The following CCDC171 variants were observed in gnomAD, a reference collection of about 807,000 sequenced individuals.
CCDC171 encodes the protein coiled-coil domain-containing protein 171.
In CCDC171, 177 loss-of-function variants were observed where a neutral mutation model predicts 168.2. The observed-to-expected ratio is 1.05, with a 90% CI of 0.93 to 1.19. The LOEUF (loss-of-function observed/expected upper bound fraction) is 1.19. Among genes scored for constraint, CCDC171 ranks in the 50% most tolerant of loss-of-function variants. CCDC171 has a pLI of 0.00. For missense variants in CCDC171, 1,991 were observed against 1,539.0 expected, an observed-to-expected ratio of 1.29 and a Z score of -4.91; for synonymous variants, 687 against 540.8, an observed-to-expected ratio of 1.27 and a Z score of -3.75.
At chr9:15,628,458 C>T (rs558639278) in intron 7 of CCDC171, among the ~76,000 whole-genome samples, 20 of 152,250 alleles carry the variant, frequency 1.3e-4, no homozygotes, top group South Asian at 6.2e-4. Flanking sequence ...AACTGCAAGG[C>T]GGCAGCGAGG....
intron 18 of CCDC171, among the ~76,000 whole-genome samples, chr9:15,757,668 G>A (rs2056205610): frequency 6.6e-6 from 1 of 152,190 alleles, no homozygotes; most frequent in Non-Finnish European, 1.5e-5. Flanking sequence ...CTTCACGGAA[G>A]CCCTTCCCAT....
At chr9:15,965,469 G>T (rs1391086022) in intron 25 of CCDC171, among the ~76,000 whole-genome samples, 1 of 152,172 alleles carries the variant, frequency 6.6e-6, no homozygotes, top group Admixed American at 6.5e-5. Context: ...TCTACCATTA[G>T]CAAGCTGTGC....
intron 9 of CCDC171, among the ~76,000 whole-genome samples, chr9:15,667,105 G>A (rs1564172576): frequency 1.3e-5 from 2 of 152,082 alleles, no homozygotes; most frequent in Admixed American, 1.3e-4. Flanking sequence ...CAGTTTAAAA[G>A]CCTTTCATCT....
At chr9:15,949,817 C>T (rs903393816) in intron 25 of CCDC171, among the ~76,000 whole-genome samples, 11 of 152,076 alleles carry the variant, frequency 7.2e-5, no homozygotes, top group South Asian at 2.1e-4. Flanking sequence ...TGCCTAATTG[C>T]CCTGGCCAGA....
At chr9:15,667,462 A>G (rs774011470) in intron 9 of CCDC171, among the ~76,000 whole-genome samples, 2 of 152,124 alleles carry the variant, frequency 1.3e-5, no homozygotes, top group Admixed American at 6.5e-5. Flanking sequence ...CCTGGCTAAC[A>G]TGGTGAAACC....
At chr9:15,795,323 C>T (rs1207299323) in intron 21 of CCDC171, among the ~76,000 whole-genome samples, 2 of 152,224 alleles carry the variant, frequency 1.3e-5, no homozygotes, top group African/African-American at 4.8e-5. Flanking sequence ...ATGGCAGAGC[C>T]CTGATGACCT....
intron 21 of CCDC171, among the ~76,000 whole-genome samples, chr9:15,836,196 A>G (rs2060440965): frequency 6.6e-6 from 1 of 152,166 alleles, no homozygotes; most frequent in African/African-American, 2.4e-5. Context: ...TGCAGTGACA[A>G]ATAACTCTAA....
chr9:15,978,236 T>C (rs77597017), downstream of CCDC171, among the ~76,000 whole-genome samples: 1,189 of 152,302 alleles, frequency 7.8e-3, 7 homozygotes, highest in Non-Finnish European at 0.013. Context: ...CTGAGGAGTA[T>C]TAGTCTAAAT....
At chr9:16,053,704 G>T (rs140332595) in intron 1 of CCDC171, among the ~76,000 whole-genome samples, 12 of 152,348 alleles carry the variant, frequency 7.9e-5, no homozygotes, top group African/African-American at 2.4e-4. Context: ...AGGCTGCAGT[G>T]TGGGGCCGGA....
At chr9:15,576,215 G>T (rs1184835621) in intron 3 of CCDC171, among the ~76,000 whole-genome samples, 2 of 151,088 alleles carry the variant, frequency 1.3e-5, no homozygotes, top group South Asian at 2.1e-4. Flanking sequence ...ACAGGGTCTT[G>T]CTCTGTTGTC....
intron 11 of CCDC171, among the ~76,000 whole-genome samples, chr9:15,705,160 GTTAA>G (rs1306165556): frequency 1.3e-5 from 2 of 151,838 alleles, no homozygotes; most frequent in African/African-American, 4.8e-5. Context: ...TGATGGACGT[GTTAA>G]TTAACTTGGT....
chr9:15,874,615 C>T lies in CCDC171; in HGVS notation c.3552C>T (p.Thr1184=). ...TLQLPKLHLE[T]FAMEGLKGGP... is the part of the protein sequence containing the mutation. ...AGCTACCCAAACTGCACCTGGAGAC[C>T]TTTGCAATGGAGGGGCTCAAGGGCG... Residue 1184 remains threonine, a synonymous_variant, in exon 24 of 26, where the codon ACC becomes ACT. Coordinates refer to ENST00000380701, the MANE Select transcript of CCDC171 (RefSeq NM_173550.4). 1 of 1,605,588 alleles carries T rather than the reference C, an allele frequency of 6.2e-7. No homozygotes were observed. The highest frequency in any genetic ancestry group is 1.1e-5 in the South Asian group (1 of 89,574).
intron 21 of CCDC171, among the ~76,000 whole-genome samples, chr9:15,785,554 T>G (rs1439537454): frequency 6.6e-6 from 1 of 152,102 alleles, no homozygotes; most frequent in African/African-American, 2.4e-5. Flanking sequence ...ACTTATGTAC[T>G]CCTCACACAA....
chr9:16,108,494 C>T, the CCDC171 span, among the ~76,000 whole-genome samples: 5 of 152,194 alleles, frequency 3.3e-5, no homozygotes, highest in Non-Finnish European at 7.3e-5. Flanking sequence ...CTCTGTGCCG[C>T]CCATAGGCAC....
intron 24 of CCDC171, among the ~76,000 whole-genome samples, chr9:15,894,975 A>C (rs1389197472): frequency 6.6e-6 from 1 of 152,226 alleles, no homozygotes; most frequent in East Asian, 1.9e-4. Flanking sequence ...TGAATATGTT[A>C]ATGAATGAAC....
At chr9:15,574,168 T>A (rs2040449966) in intron 3 of CCDC171, among the ~76,000 whole-genome samples, 1 of 151,174 alleles carries the variant, frequency 6.6e-6, no homozygotes, top group South Asian at 2.1e-4. Context: ...TGAGACAGAG[T>A]CTCACTCAGT....
rs529409828 is a variant in CCDC171, at chr9:15,719,733, A to G, written c.1319-2036A>G. On this transcript the variant is annotated intron_variant, in intron 11 of 25. Coordinates refer to ENST00000380701, the MANE Select transcript of CCDC171 (RefSeq NM_173550.4). Reference sequence around the variant, plus strand: ...TTTGTCCCATTACTCTTCAGCACTCATATTAAGATGATTTTATTCTTCTGA... The same window carrying G: ...TTTGTCCCATTACTCTTCAGCACTCGTATTAAGATGATTTTATTCTTCTGA... Among the ~76,000 whole-genome samples, 22 of 152,322 alleles carry G rather than the reference A, an allele frequency of 1.4e-4. No homozygotes were observed. The East Asian group carries it at 3.7e-3, about 25-fold the overall frequency.
intron 7 of CCDC171, among the ~76,000 whole-genome samples, chr9:15,635,956 G>T (rs538587741): frequency 6.6e-6 from 1 of 152,088 alleles, no homozygotes; most frequent in Non-Finnish European, 1.5e-5. Context: ...AGCTGTTATT[G>T]TCACTCTTTT....
chr9:15,906,022 CAAT>C (rs1281359543), intron 24 of CCDC171, among the ~76,000 whole-genome samples: 1 of 152,132 alleles, frequency 6.6e-6, no homozygotes, highest in Non-Finnish European at 1.5e-5. Context: ...GAAATTGAGG[CAAT>C]AATTATTAGC....
Sources: gnomAD v4.1 joint callset for allele counts (sites outside exome capture counted in the v4.1 genomes callset) on GRCh38, gnomAD v4.1.1 for gene constraint, MANE v1.5 for transcripts, NCBI Gene and HGNC (gene_info 2026-07-23, HGNC 2026-07-21) for gene names.